FARSB: variants seen among roughly 807,000 people sequenced by gnomAD.
The protein encoded by FARSB is phenylalanyl-tRNA synthetase subunit beta, also known as phenylalanine--tRNA ligase beta subunit.
FARSB carries 40 observed loss-of-function variants against 69.6 expected under a neutral mutation model. The ratio of observed to expected loss-of-function variants is 0.57; its 90% CI spans 0.45 to 0.75. The LOEUF (loss-of-function observed/expected upper bound fraction) is 0.75, where lower values mean the gene tolerates loss of function less well. FARSB is among the 30% of genes least tolerant of loss of function. FARSB has a pLI of 0.00. For synonymous variants in FARSB, 235 were observed against 247.2 expected (o/e 0.95, Z 0.46); for missense variants, 632 against 722.9 (o/e 0.87, Z 1.44).
At position 222,647,722 on chromosome 2, in the gene FARSB, G is replaced by A. The variant is rs138632848; in HGVS notation, c.114+1018C>T. The stretch of plus-strand genomic sequence containing the variant: ...GGAGGTTGTGGTGAGCCAAGATCGC[G>A]CTGTCGCACTCCAGCCTGGGCAACA... On this transcript the variant is annotated intron_variant, in intron 2 of 16. Transcript: ENST00000281828. Among the ~76,000 whole-genome samples the A allele has an allele frequency of 9.5e-4, 145 of 152,310 alleles. 1 individual carries two copies. Among genetic ancestry groups the A allele is most frequent in the Middle Eastern group, 3.4e-3 (1 of 294 alleles).
Position 222,592,279 on chromosome 2 carries a change from G to A in FARSB, c.1618+7649C>T, listed in dbSNP as rs75979262. Among the ~76,000 whole-genome samples, 1,119 of 152,202 alleles carry A rather than the reference G, an allele frequency of 7.4e-3. 15 individuals are homozygous for A. Among genetic ancestry groups the A allele is most frequent in the African/African-American group, 0.025 (1,036 of 41,514 alleles). Reference sequence around the variant, plus strand: ...CCCTACCTAGGGATTTATTCAATGTGTTTTCCTTCTTTCCAGCCACCCATC... The same window carrying A: ...CCCTACCTAGGGATTTATTCAATGTATTTTCCTTCTTTCCAGCCACCCATC... On this transcript the variant is annotated intron_variant, in intron 16 of 16. Coordinates refer to ENST00000281828, the MANE Select transcript of FARSB (RefSeq NM_005687.5).
chr2:222,644,663 C>A, intron 2 of FARSB: 2 of 331,330 alleles, frequency 6.0e-6, no homozygotes, highest in Non-Finnish European at 1.2e-5. Context: ...ATGTTTCAAG[C>A]TCCCCAGTGG....
At chr2:222,576,230 G>A (rs1489231640) in intron 16 of FARSB, among the ~76,000 whole-genome samples, 1 of 151,596 alleles carries the variant, frequency 6.6e-6, no homozygotes, top group East Asian at 1.9e-4. Flanking sequence ...TAGCCCATCT[G>A]TAAAAAGTCA....
intron 4 of FARSB, among the ~76,000 whole-genome samples, chr2:222,640,428 T>C (rs150256631): frequency 7.8e-4 from 110 of 141,442 alleles, no homozygotes; most frequent in Admixed American, 3.5e-3. Flanking sequence ...AATTTGAGAC[T>C]AGCCTGGGCA....
chr2:222,650,183 A>C (rs1441427886), intron 1 of FARSB, among the ~76,000 whole-genome samples: 2 of 152,166 alleles, frequency 1.3e-5, no homozygotes, highest in Non-Finnish European at 2.9e-5. Context: ...AAATTTGGAA[A>C]CTCTTAAGTA....
chr2:222,567,646 G>T lies in FARSB; in HGVS notation c.*4225C>A, dbSNP rs1036189506. 1.3e-5 allele frequency: 2 copies of T among 152,264 alleles called. No homozygotes were observed. The highest frequency in any genetic ancestry group is 1.3e-4 in the Admixed American group (2 of 15,284). 9.4% of individuals were successfully genotyped at this position (152,264 alleles called of 1,614,324 possible). A position where few individuals can be genotyped will look rare whatever the true frequency, so the allele number is the denominator to read the frequency against. ...TTCAAAACACATCCTTTGACCTAGC[G>T]ACTTCTACATCTAAGATGTAAGGTA... On this transcript the variant is annotated 3_prime_UTR_variant, in exon 17 of 17. Transcript: ENST00000281828.
At chr2:222,647,477 C>T (rs1288979798) in intron 2 of FARSB, among the ~76,000 whole-genome samples, 1 of 152,216 alleles carries the variant, frequency 6.6e-6, no homozygotes. Context: ...ATGGCAGCTT[C>T]TAGAAACTTG....
intron 9 of FARSB, 94 bp from the exon 10 acceptor site, chr2:222,628,982 C>G (rs981528828): frequency 5.9e-6 from 5 of 847,356 alleles, no homozygotes; most frequent in Non-Finnish European, 9.8e-6. Flanking sequence ...ATTTGGGCTA[C>G]AACTACAGCC....
In FARSB at chr2:222,601,413, C is replaced by CAAT. The variant is rs1020800566; in HGVS notation, c.1463-1333_1463-1331dup. Among the ~76,000 whole-genome samples, 607 of 150,942 alleles carry CAAT rather than the reference C, an allele frequency of 4.0e-3. 4 individuals are homozygous for CAAT. The highest frequency in any genetic ancestry group is 0.011 in the African/African-American group (472 of 41,130). On this transcript the variant is annotated intron_variant, in intron 15 of 16. Coordinates refer to ENST00000281828, the MANE Select transcript of FARSB (RefSeq NM_005687.5). ...GCAACATAGCAATACCCCATCTCTA[C>CAAT]AATAATAATAATAATAATAATAAAA...
chr2:222,581,061 G>A (rs745783070), intron 16 of FARSB, among the ~76,000 whole-genome samples: 2 of 152,098 alleles, frequency 1.3e-5, no homozygotes, highest in Non-Finnish European at 2.9e-5. Context: ...TATTTCCAAG[G>A]TTGCCCAAGT....
chr2:222,646,996 T>A (rs1258512237), intron 2 of FARSB, among the ~76,000 whole-genome samples: 1 of 152,212 alleles, frequency 6.6e-6, no homozygotes, highest in Non-Finnish European at 1.5e-5. Flanking sequence ...TCTAGGTCTT[T>A]CTGAGAGAAG....
chr2:222,626,459 C>T (rs896305536), intron 10 of FARSB, among the ~76,000 whole-genome samples: 17 of 151,942 alleles, frequency 1.1e-4, no homozygotes, highest in South Asian at 4.2e-4. Context: ...TATGCTATTT[C>T]ATGTGAGAAA....
Position 222,572,020 on chromosome 2 carries a change from G to T in FARSB, c.1621C>A (p.Pro541Thr). 6.2e-7 allele frequency: 1 copy of T among 1,605,690 alleles called. No individual in the cohort carries two copies. The highest frequency in any genetic ancestry group is 8.5e-7 in the Non-Finnish European group (1 of 1,177,862). ...GCACATCGCCCGGGGAAGAAAGCAG[G>T]CCCTGAAAAAGAGAAAGTAAGAGAA... ...GGYVIKASEG[P>T]AFFPGRCAEI... The change falls in exon 17 of 17, where the codon CCT becomes ACT. Residue 541 changes from proline (P) to threonine (T), a missense_variant and splice_region_variant. Physicochemically the swap from Pro to Thr is conservative, Grantham distance 38. Transcript: ENST00000281828.
intron 9 of FARSB, 90 bp from the exon 10 acceptor site, chr2:222,628,978 G>T: frequency 1.1e-6 from 1 of 895,294 alleles, no homozygotes; most frequent in Non-Finnish European, 1.8e-6. Context: ...TTTCATTTGG[G>T]CTACAACTAC....
At chr2:222,614,862 ATAAAT>A (rs1252991234) in intron 14 of FARSB, among the ~76,000 whole-genome samples, 1 of 152,198 alleles carries the variant, frequency 6.6e-6, no homozygotes, top group South Asian at 2.1e-4. Flanking sequence ...AAAACCATAA[ATAAAT>A]TAAATATGAA....
At position 222,656,025 on chromosome 2, in the gene FARSB, G is replaced by A. The variant is rs138500296; in HGVS notation, c.49C>T (p.Arg17Cys). The change falls in exon 1 of 17, where the codon CGC becomes TGC. Residue 17 changes from arginine (R) to cysteine (C), a missense_variant. Physicochemically the swap from Arg to Cys is radical, Grantham distance 180. Coordinates refer to ENST00000281828, the MANE Select transcript of FARSB (RefSeq NM_005687.5). ...TAGGGCCGCCACTCACTGTAGGTGC[G>A]GCCCAGGGCTTGGAAGAGCAGATCA... ...KRDLLFQALG[R>C]TYTDEEFDEL... 324 of 1,594,906 alleles carry A rather than the reference G, an allele frequency of 2.0e-4. No individual in the cohort carries two copies. In the African/African-American group the frequency reaches 4.0e-3, roughly 20 times the overall value.
intron 10 of FARSB, among the ~76,000 whole-genome samples, chr2:222,625,874 TATGCCCAGTGCTTATTATCTG>T (rs1213565488): frequency 6.6e-6 from 1 of 152,230 alleles, no homozygotes; most frequent in Non-Finnish European, 1.5e-5. Context: ...AGTGCTGCTA[TATGCCCAGTGCTTATTATCTG>T]ATTATCAGAT....
chr2:222,648,372 G>A (rs1423584433), intron 2 of FARSB, among the ~76,000 whole-genome samples: 1 of 152,228 alleles, frequency 6.6e-6, no homozygotes, highest in Non-Finnish European at 1.5e-5. Context: ...GGCGCTGGAA[G>A]TGAAGGAGGC....
intron 16 of FARSB, among the ~76,000 whole-genome samples, chr2:222,590,161 T>A (rs1042424419): frequency 1.4e-4 from 22 of 152,148 alleles, no homozygotes; most frequent in African/African-American, 5.1e-4. Flanking sequence ...GTGGCACATA[T>A]ACACCACGGA....
Sources: gnomAD v4.1 joint callset for allele counts (sites outside exome capture counted in the v4.1 genomes callset) on GRCh38, gnomAD v4.1.1 for gene constraint, MANE v1.5 for transcripts, NCBI Gene and HGNC (gene_info 2026-07-23, HGNC 2026-07-21) for gene names.